The following MYH15 variants were observed in gnomAD, a reference collection of about 807,000 sequenced individuals.
The protein encoded by MYH15 is myosin heavy chain 15.
MYH15 carries 227 observed loss-of-function variants against 240.5 expected under a neutral mutation model. The observed-to-expected ratio is 0.94, with a 90% confidence interval of 0.85 to 1.05. The LOEUF (loss-of-function observed/expected upper bound fraction) is 1.05. Among genes scored for constraint, MYH15 ranks in the 50% least tolerant of loss-of-function variants. MYH15 has a pLI of 0.00. For missense variants in MYH15, 2,217 were observed against 2,247.5 expected, an observed-to-expected ratio of 0.99 and a Z score of 0.27; for synonymous variants, 785 against 796.7, an observed-to-expected ratio of 0.99 and a Z score of 0.25.
chr3:108,463,617 C>T (rs1294787255), intron 15 of MYH15, among the ~76,000 whole-genome samples: 3 of 152,110 alleles, frequency 2.0e-5, no homozygotes, highest in Non-Finnish European at 4.4e-5. Context: ...TTACAGGGAG[C>T]CACCATGCCC....
At chr3:108,418,837 G>A (rs1323359623) in intron 28 of MYH15, among the ~76,000 whole-genome samples, 3 of 151,908 alleles carry the variant, frequency 2.0e-5, no homozygotes, top group Admixed American at 6.6e-5. Flanking sequence ...TGCAACCTCC[G>A]CCTCCAGGGT....
chr3:108,531,760 G>C (rs1236424708), upstream of MYH15, among the ~76,000 whole-genome samples: 1 of 148,646 alleles, frequency 6.7e-6, no homozygotes, highest in African/African-American at 2.4e-5. Context: ...CTGGGCGACA[G>C]AGCGAGACCC....
chr3:108,493,789 T>C (rs2107600412), intron 7 of MYH15, among the ~76,000 whole-genome samples: 1 of 152,318 alleles, frequency 6.6e-6, no homozygotes, highest in East Asian at 1.9e-4. Flanking sequence ...AAACTCCATA[T>C]CATCTAAGCC....
chr3:108,458,053 A>AT (rs58914396), intron 18 of MYH15, among the ~76,000 whole-genome samples: 47,539 of 151,674 alleles, frequency 0.31, 8,155 homozygotes, highest in Non-Finnish European at 0.38. Flanking sequence ...GTCTCAAATT[A>AT]TTTTTTTTAA....
the MYH15 span, chr3:108,550,382 G>C: frequency 6.6e-6 from 1 of 151,192 alleles, no homozygotes; most frequent in African/African-American, 2.4e-5. Flanking sequence ...TAAATCATAA[G>C]AAACTTATAA....
At chr3:108,448,184 A>C (rs1020763952) in intron 21 of MYH15, among the ~76,000 whole-genome samples, 1 of 152,062 alleles carries the variant, frequency 6.6e-6, no homozygotes, top group Non-Finnish European at 1.5e-5. Context: ...TCACATCACA[A>C]AGGAAGACAG....
At chr3:108,417,176 G>C (rs34390350) in intron 28 of MYH15, among the ~76,000 whole-genome samples, 12,559 of 152,140 alleles carry the variant, frequency 0.083, 565 homozygotes, top group Middle Eastern at 0.099. Flanking sequence ...GATGATATTA[G>C]TTACCATTTA....
At chr3:108,463,036 G>A in intron 16 of MYH15, 75 bp downstream of exon 16, 1 of 1,500,970 alleles carries the variant, frequency 6.7e-7, no homozygotes, top group Non-Finnish European at 9.0e-7. Flanking sequence ...AAAGAAGCAA[G>A]AATTTTTGCA....
chr3:108,394,008 G>C (rs1310076269), intron 36 of MYH15, 23 bp downstream of exon 36: 1 of 1,612,986 alleles, frequency 6.2e-7, no homozygotes, highest in African/African-American at 1.3e-5. Context: ...AGACAGGATT[G>C]AGTACGTGGT....
At position 108,381,102 on chromosome 3, in the gene MYH15, A is replaced by G; in HGVS notation, c.*443T>C. Reference sequence around the variant, plus strand: ...TTCTACCACTGCTGGCTCACAATATACATTCATAGATTTAGGGGTGAATCA... The same window carrying G: ...TTCTACCACTGCTGGCTCACAATATGCATTCATAGATTTAGGGGTGAATCA... On this transcript the variant is annotated 3_prime_UTR_variant, in exon 41 of 41. Coordinates refer to ENST00000693548, the MANE Select transcript of MYH15 (RefSeq NM_014981.3). 5.5e-6 allele frequency: 1 copy of G among 181,946 alleles called. No homozygotes were observed. Among genetic ancestry groups the G allele is most frequent in the Non-Finnish European group, 1.2e-5 (1 of 86,684 alleles). 11.3% of individuals were successfully genotyped at this position (181,946 alleles called of 1,614,324 possible).
chr3:108,485,126 G>A lies in MYH15; in HGVS notation c.1079C>T (p.Pro360Leu). Residue 360 changes from proline to leucine, a missense_variant, in exon 11 of 41, where the codon CCT becomes CTT. By Grantham distance (98) the Pro-to-Leu change is moderately conservative (BLOSUM62 -3). Coordinates refer to ENST00000693548, the MANE Select transcript of MYH15 (RefSeq NM_014981.3). ...ATCTGCTTCCAGTTGCTCTTCTCTA[G>A]GTTTCTGTTTAAATTTCATATTTCC... ...HFGNMKFKQK[P>L]REEQLEADGT... 1 of 1,614,066 alleles carries A rather than the reference G, an allele frequency of 6.2e-7. No homozygotes were observed. Among genetic ancestry groups the A allele is most frequent in the Non-Finnish European group, 8.5e-7 (1 of 1,179,944 alleles).
chr3:108,439,478 T>C (rs1174246355), intron 24 of MYH15, among the ~76,000 whole-genome samples: 1 of 152,180 alleles, frequency 6.6e-6, no homozygotes, highest in Non-Finnish European at 1.5e-5. Flanking sequence ...CCTTTACCAT[T>C]CATCTTAATG....
At chr3:108,464,542 T>A (rs1416141568) in intron 15 of MYH15, 96 bp downstream of exon 15, 1 of 1,229,348 alleles carries the variant, frequency 8.1e-7, no homozygotes, top group African/African-American at 1.5e-5. Flanking sequence ...CTTCATTTAA[T>A]CTAAACATTA....
intron 11 of MYH15, among the ~76,000 whole-genome samples, chr3:108,484,409 C>T (rs556801744): frequency 9.5e-4 from 145 of 152,260 alleles, no homozygotes; most frequent in African/African-American, 3.0e-3. Flanking sequence ...ATTCCAAGGG[C>T]CTTAGTTCAC....
intron 29 of MYH15, among the ~76,000 whole-genome samples, chr3:108,415,903 G>A (rs890620211): frequency 6.6e-6 from 1 of 152,202 alleles, no homozygotes; most frequent in African/African-American, 2.4e-5. Flanking sequence ...GGCAGCCAGA[G>A]AGATCTTCTA....
upstream of MYH15, among the ~76,000 whole-genome samples, chr3:108,511,153 C>A (rs1220306201): frequency 6.6e-6 from 1 of 151,878 alleles, no homozygotes; most frequent in Non-Finnish European, 1.5e-5. Context: ...TAATTACCCC[C>A]AAGCAGACAG....
chr3:108,507,262 T>TTCAC lies in MYH15; in HGVS notation c.89-1434_89-1433insGTGA, dbSNP rs1396491884. On this transcript the variant is annotated intron_variant, in intron 1 of 40. Transcript: ENST00000693548. ...ATATATATATATATATATATATATA[T>TTCAC]ATATATATATATATACACATATGAA... 7.2e-4 allele frequency among the ~76,000 whole-genome samples: 39 copies of TTCAC among 54,102 alleles called. 1 individual carries two copies. The highest frequency in any genetic ancestry group is 1.2e-3 in the Non-Finnish European group (26 of 21,764). 35.5% of individuals were successfully genotyped at this position (54,102 alleles called of 152,430 possible). A position where few individuals can be genotyped will look rare whatever the true frequency, so the allele number is the denominator to read the frequency against.
chr3:108,402,087 G>A (rs1039708419), intron 33 of MYH15, among the ~76,000 whole-genome samples: 6 of 151,952 alleles, frequency 3.9e-5, no homozygotes, highest in Non-Finnish European at 7.4e-5. Flanking sequence ...TTTCCCTTAC[G>A]ATATTGCTAA....
At chr3:108,544,392 A>G in the MYH15 span, among the ~76,000 whole-genome samples, 1 of 152,210 alleles carries the variant, frequency 6.6e-6, no homozygotes, top group Non-Finnish European at 1.5e-5. Context: ...AACCTTACAA[A>G]GAAACATAGC....
Sources: gnomAD v4.1 joint callset for allele counts (sites outside exome capture counted in the v4.1 genomes callset) on GRCh38, gnomAD v4.1.1 for gene constraint, MANE v1.5 for transcripts, NCBI Gene and HGNC (gene_info 2026-07-23, HGNC 2026-07-21) for gene names.